Variants in CHSY1 observed in about 807,000 individuals in gnomAD.
The protein encoded by CHSY1 is chondroitin sulfate synthase 1, also known as N-acetylgalactosaminyl-proteoglycan 3-beta-glucuronosyltransferase 1.
A neutral mutation model predicts 59.8 loss-of-function variants in CHSY1; 13 were observed. That is an observed-to-expected ratio of 0.22 (90% confidence interval 0.14 to 0.35). CHSY1 has a LOEUF of 0.35. Among genes scored for constraint, CHSY1 ranks in the 10% least tolerant of loss-of-function variants. CHSY1 has a pLI of 1.00. For synonymous variants in CHSY1, 459 were observed against 401.2 expected (o/e 1.14, Z -1.72); for missense variants, 947 against 1,030.6 (o/e 0.92, Z 1.11).
At chr15:101,220,246 C>G (rs1245213689) in intron 2 of CHSY1, among the ~76,000 whole-genome samples, 4 of 152,142 alleles carry the variant, frequency 2.6e-5, no homozygotes, top group Non-Finnish European at 5.9e-5. Flanking sequence ...TCAGCTGGTG[C>G]CCCCTCACCT....
chr15:101,225,867 A>G (rs1254784271), intron 2 of CHSY1, among the ~76,000 whole-genome samples: 2 of 152,232 alleles, frequency 1.3e-5, no homozygotes, highest in Non-Finnish European at 2.9e-5. Context: ...CTTCAAATGT[A>G]TACAGGAAAT....
intron 2 of CHSY1, among the ~76,000 whole-genome samples, chr15:101,185,986 G>C (rs76967748): frequency 6.6e-6 from 1 of 151,708 alleles, no homozygotes; most frequent in Non-Finnish European, 1.5e-5. Context: ...CACGCAGGTA[G>C]CATTTAATTA....
intron 1 of CHSY1, among the ~76,000 whole-genome samples, chr15:101,242,787 C>A (rs892629375): frequency 2.0e-5 from 3 of 152,224 alleles, no homozygotes; most frequent in Non-Finnish European, 4.4e-5. Context: ...AGCTCTGCAG[C>A]AAATGCATTC....
rs1394566564 is a variant in CHSY1, at chr15:101,243,239, T to C, written c.321-7662A>G. On this transcript the variant is annotated intron_variant, in intron 1 of 2. Coordinates refer to ENST00000254190, the MANE Select transcript of CHSY1 (RefSeq NM_014918.5). The stretch of plus-strand genomic sequence containing the variant: ...CTTTTGAAACATCACAATTAAAATT[T>C]GGAGTGTAAATGACAGAAGACGAAT... 2.0e-5 allele frequency among the ~76,000 whole-genome samples: 3 copies of C among 152,172 alleles called. 1 individual carries two copies. The highest frequency in any genetic ancestry group is 7.2e-5 in the African/African-American group (3 of 41,440).
chr15:101,231,433 G>A (rs1340468829), intron 2 of CHSY1, among the ~76,000 whole-genome samples: 1 of 152,206 alleles, frequency 6.6e-6, no homozygotes, highest in Non-Finnish European at 1.5e-5. Flanking sequence ...AAGCCCAGGG[G>A]CCGGAGGCAG....
chr15:101,189,441 A>G, intron 2 of CHSY1: 1 of 985,672 alleles, frequency 1.0e-6, no homozygotes, highest in Non-Finnish European at 1.2e-6. Context: ...GACAAGGTGG[A>G]TGTAAGCCAG....
At chr15:101,201,655 A>T (rs144575241) in intron 2 of CHSY1, among the ~76,000 whole-genome samples, 211 of 152,324 alleles carry the variant, frequency 1.4e-3, no homozygotes, top group East Asian at 0.01. Context: ...GGATGGCAGG[A>T]TGACAGAGGT....
At chr15:101,210,981 AT>A (rs2038676533) in intron 2 of CHSY1, among the ~76,000 whole-genome samples, 1 of 152,230 alleles carries the variant, frequency 6.6e-6, no homozygotes, top group South Asian at 2.1e-4. Flanking sequence ...ACTATTAAAA[AT>A]ATCAAATGAA....
intron 1 of CHSY1, among the ~76,000 whole-genome samples, chr15:101,245,639 A>G (rs1417787487): frequency 1.3e-5 from 2 of 152,176 alleles, no homozygotes; most frequent in Non-Finnish European, 1.5e-5. Flanking sequence ...ACAATCCGCT[A>G]TTGACAGCCA....
chr15:101,225,184 T>C (rs978103965), intron 2 of CHSY1, among the ~76,000 whole-genome samples: 6 of 151,396 alleles, frequency 4.0e-5, no homozygotes, highest in African/African-American at 1.5e-4. Context: ...TCTTCCCACC[T>C]CACCTCCAAA....
chr15:101,249,661 A>C (rs2039087523), intron 1 of CHSY1, among the ~76,000 whole-genome samples: 1 of 151,682 alleles, frequency 6.6e-6, no homozygotes. Context: ...CTACAGGTGC[A>C]CGCCACCACA....
chr15:101,236,697 C>T (rs973744871), intron 1 of CHSY1, among the ~76,000 whole-genome samples: 4 of 151,704 alleles, frequency 2.6e-5, no homozygotes, highest in Admixed American at 6.6e-5. Context: ...TGCTGGCGGG[C>T]GCCTGTAGTC....
chr15:101,243,616 T>C lies in CHSY1; in HGVS notation c.320+7521A>G, dbSNP rs776213348. ...ACTTTTCCAGGCTCACGGACACTGCTAAGGCTGAACAAACAGTCATCGTGG... is the reference window on the plus strand; with the variant it reads ...ACTTTTCCAGGCTCACGGACACTGCCAAGGCTGAACAAACAGTCATCGTGG... On this transcript the variant is annotated intron_variant, in intron 1 of 2. Coordinates refer to ENST00000254190, the MANE Select transcript of CHSY1 (RefSeq NM_014918.5). 1.5e-3 allele frequency among the ~76,000 whole-genome samples: 226 copies of C among 152,192 alleles called. 7 individuals are homozygous for C. Among genetic ancestry groups the C allele is most frequent in the Non-Finnish European group, 2.9e-4 (20 of 68,034 alleles).
Position 101,178,326 on chromosome 15 carries a change from G to C in CHSY1, c.1471C>G (p.Gln491Glu). The C allele has an allele frequency of 6.2e-7, 1 of 1,608,408 alleles. No individual in the cohort carries two copies. The highest frequency in any genetic ancestry group is 8.5e-7 in the Non-Finnish European group (1 of 1,175,392). ...TGATTGATTCTCTTGGCCAACTCTT[G>C]TGCATCCAGCTCCTCATGCTCCACA... ...QFVEHEELDA[Q>E]ELAKRINQES... The change falls in exon 3 of 3, where the codon CAA (glutamine) becomes GAA (glutamate). Residue 491 changes from glutamine to glutamate, a missense_variant. Gln to Glu is a conservative substitution (Grantham distance 29, BLOSUM62 2). Around this residue, in one of 4 missense-constraint regions of CHSY1, gnomAD observed 602 missense variants for 676.9 expected, o/e 0.89. Coordinates refer to ENST00000254190, the MANE Select transcript of CHSY1 (RefSeq NM_014918.5).
At chr15:101,250,433 C>T (rs1427539618) in intron 1 of CHSY1, among the ~76,000 whole-genome samples, 1 of 152,194 alleles carries the variant, frequency 6.6e-6, no homozygotes, top group Non-Finnish European at 1.5e-5. Flanking sequence ...AACACAATTC[C>T]AGCTGCTTTT....
At chr15:101,180,891 AGCTGG>A (rs2038269000) in intron 2 of CHSY1, among the ~76,000 whole-genome samples, 1 of 152,208 alleles carries the variant, frequency 6.6e-6, no homozygotes, top group Non-Finnish European at 1.5e-5. Flanking sequence ...TTCACTTTCT[AGCTGG>A]GCTGATTCTT....
At chr15:101,237,923 G>T (rs2038963876) in intron 1 of CHSY1, among the ~76,000 whole-genome samples, 1 of 152,126 alleles carries the variant, frequency 6.6e-6, no homozygotes, top group Non-Finnish European at 1.5e-5. Context: ...TTATTATAGT[G>T]AAAAATTACT....
intron 2 of CHSY1, among the ~76,000 whole-genome samples, chr15:101,179,347 C>T (rs1314998425): frequency 6.6e-6 from 1 of 152,326 alleles, no homozygotes; most frequent in East Asian, 1.9e-4. Context: ...CAGAGTCATG[C>T]GTCCCTGGCT....
At chr15:101,231,196 G>T (rs1478218553) in intron 2 of CHSY1, among the ~76,000 whole-genome samples, 13 of 152,074 alleles carry the variant, frequency 8.5e-5, no homozygotes, top group Non-Finnish European at 1.5e-5. Context: ...GGGGAGCCTT[G>T]GGCTAAATGA....
Sources: allele counts gnomAD v4.1 joint callset (sites outside exome capture counted in the v4.1 genomes callset), GRCh38; gene constraint gnomAD v4.1.1; regional missense constraint gnomAD v4.1.1; transcripts MANE v1.5; gene names NCBI Gene and HGNC (gene_info 2026-07-23, HGNC 2026-07-21).